STK25: variants seen among roughly 807,000 people sequenced by gnomAD.
STK25 encodes the protein serine/threonine kinase 25.
Under a neutral mutation model 53.8 loss-of-function variants are expected in STK25, and 29 were observed. The observed-to-expected ratio is 0.54, with a 90% confidence interval of 0.40 to 0.74. STK25 has a LOEUF of 0.74. Ranked by LOEUF, STK25 falls within the 30% of genes least tolerant of loss-of-function variation. STK25 has a pLI of 0.00. For missense variants in STK25, 420 were observed against 568.0 expected (o/e 0.74, Z 2.65); for synonymous variants, 247 against 238.3 (o/e 1.04, Z -0.33).
At chr2:241,506,694 G>C (rs2065851997) in intron 2 of STK25, among the ~76,000 whole-genome samples, 1 of 152,200 alleles carries the variant, frequency 6.6e-6, no homozygotes, top group African/African-American at 2.4e-5. Context: ...TTGTACTTGG[G>C]AGGCAGAGGG....
Position 241,493,604 on chromosome 2 carries a change from T to C in STK25, c.*2058A>G. On this transcript the variant is annotated 3_prime_UTR_variant, in exon 12 of 12. Transcript: ENST00000316586. The stretch of plus-strand genomic sequence containing the variant: ...AAAAAACAGCAATGCTTTGTTTTTT[T>C]TTTTTTTGGAGATGGCGTCTCCCTC... 1 of 648,494 alleles carries C rather than the reference T, an allele frequency of 1.5e-6. No individual in the cohort carries two copies. The highest frequency in any genetic ancestry group is 2.9e-5 in the Admixed American group (1 of 34,802). The allele number at this position is 648,494 out of a possible 1,614,324, so 40.2% of individuals were successfully genotyped here. A position where few individuals can be genotyped will look rare whatever the true frequency, so the allele number is the denominator to read the frequency against.
At chr2:241,508,231 A>AC (rs897657173) in intron 1 of STK25, 96 bp from the exon 2 acceptor site, 261 of 1,301,592 alleles carry the variant, frequency 2.0e-4, no homozygotes, top group Admixed American at 2.5e-4. Flanking sequence ...GGCCCAGGAG[A>AC]CCCCCCAGGC....
upstream of STK25, chr2:241,508,698 G>A (rs1414857094): frequency 5.1e-6 from 5 of 985,296 alleles, no homozygotes; most frequent in African/African-American, 8.8e-5. Context: ...TGGACTACAA[G>A]TCCCGGCAGG....
intron 5 of STK25, chr2:241,499,859 A>G: frequency 2.1e-6 from 1 of 485,132 alleles, no homozygotes; most frequent in Non-Finnish European, 3.8e-6. Context: ...GCAGGGCCAG[A>G]CCACACGCTG....
chr2:241,508,337 T>A, intron 1 of STK25, 106 bp downstream of exon 1: 1 of 1,169,124 alleles, frequency 8.6e-7, no homozygotes. Flanking sequence ...GGCAGCTTCC[T>A]CCCGGTGCCC....
intron 10 of STK25, 96 bp downstream of exon 10, chr2:241,497,520 C>T (rs569920464): frequency 4.6e-6 from 6 of 1,302,108 alleles, no homozygotes; most frequent in Non-Finnish European, 6.6e-6. Flanking sequence ...GAAGCTGAAA[C>T]CACCCCACAG....
chr2:241,493,177 T>C lies in STK25; in HGVS notation c.*2485A>G, dbSNP rs1195748204. The C allele has an allele frequency of 6.2e-6, 8 of 1,287,718 alleles. No homozygotes were observed. The Admixed American group carries it at 1.5e-4, about 24-fold the overall frequency. The allele number at this position is 1,287,718 out of a possible 1,614,324, so 79.8% of individuals were successfully genotyped here. ...CCCTGTGCTGTGTGAACAGGGAAAC[T>C]GGCTCCCTTGGCCCGTGGGCATTTG... is the stretch of plus-strand genomic sequence containing the variant. On this transcript the variant is annotated 3_prime_UTR_variant, in exon 12 of 12. Coordinates refer to ENST00000316586, the MANE Select transcript of STK25 (RefSeq NM_001271977.2).
rs1034532337 is a variant in STK25, at chr2:241,500,808, G to A, written c.262-12C>T. 1.9e-6 allele frequency: 3 copies of A among 1,613,336 alleles called. No individual in the cohort carries two copies. The highest frequency in any genetic ancestry group is 2.5e-6 in the Non-Finnish European group (3 of 1,179,664). On this transcript the variant is annotated splice_polypyrimidine_tract_variant and intron_variant, in intron 3 of 11. Coordinates refer to ENST00000316586, the MANE Select transcript of STK25 (RefSeq NM_001271977.2). ...CATAGCTTGGTGCTCTGGGACCGGA[G>A]ACAAACCCATCAGCATTTGGCAGCA...
intron 2 of STK25, among the ~76,000 whole-genome samples, chr2:241,507,195 A>G (rs2065883214): frequency 6.6e-6 from 1 of 152,226 alleles, no homozygotes; most frequent in South Asian, 2.1e-4. Context: ...CCCAGCGGCC[A>G]GAGTCAAAAA....
intron 2 of STK25, among the ~76,000 whole-genome samples, chr2:241,505,242 C>A (rs1399439802): frequency 6.6e-6 from 1 of 152,176 alleles, no homozygotes; most frequent in Non-Finnish European, 1.5e-5. Flanking sequence ...TCCCTGTTTG[C>A]TCAGCCCATC....
In STK25 at chr2:241,495,408, T is replaced by C; in HGVS notation, c.*254A>G. The C allele has an allele frequency of 2.0e-6, 1 of 506,850 alleles. No individual in the cohort carries two copies. Among genetic ancestry groups the C allele is most frequent in the Non-Finnish European group, 3.6e-6 (1 of 281,530 alleles). 31.4% of individuals were successfully genotyped at this position (506,850 alleles called of 1,614,324 possible). A position where few individuals can be genotyped will look rare whatever the true frequency, so the allele number is the denominator to read the frequency against. Reference sequence around the variant, plus strand: ...GCCACGCCGGCGGCTGGAGCCCCCGTGAGCAATACTGCTGGGCCAGGAGAG... The same window carrying C: ...GCCACGCCGGCGGCTGGAGCCCCCGCGAGCAATACTGCTGGGCCAGGAGAG... On this transcript the variant is annotated 3_prime_UTR_variant, in exon 12 of 12. Coordinates refer to ENST00000316586, the MANE Select transcript of STK25 (RefSeq NM_001271977.2).
chr2:241,508,087 C>CCGCGGAGAGG lies in STK25; in HGVS notation c.-62_-53dup. On this transcript the variant is annotated 5_prime_UTR_variant, in exon 2 of 12. Transcript: ENST00000316586. ...AGCAGCCCCAGGAGGCGTCTGGATCCCGCGGAGAGGCGCGGAGCCGGCTAG... is the reference window on the plus strand; with the variant it reads ...AGCAGCCCCAGGAGGCGTCTGGATCCCGCGGAGAGGCGCGGAGAGGCGCGGAGCCGGCTAG... 6.4e-7 allele frequency: 1 copy of CCGCGGAGAGG among 1,569,020 alleles called. No individual in the cohort carries two copies.
At chr2:241,508,202 G>A (rs1249738392) in intron 1 of STK25, 67 bp from the exon 2 acceptor site, 59 of 1,355,218 alleles carry the variant, frequency 4.4e-5, no homozygotes, top group Non-Finnish European at 5.6e-5. Context: ...CGGGGCGGCG[G>A]GCTCCATGGG....
chr2:241,498,683 C>T lies in STK25; in HGVS notation c.873G>A (p.Lys291=). ...TELIDRYKRW[K]SEGHGEESSS... is the part of the protein sequence containing the mutation. Reference sequence around the variant, plus strand: ...TGGACTCCTCGCCATGCCCCTCTGACTTCCAGCGCTTATAGCGGTCGATGA... The same window carrying T: ...TGGACTCCTCGCCATGCCCCTCTGATTTCCAGCGCTTATAGCGGTCGATGA... The change falls in exon 8 of 12, where the codon AAG becomes AAA. Residue 291 remains lysine, a synonymous_variant. Coordinates refer to ENST00000316586, the MANE Select transcript of STK25 (RefSeq NM_001271977.2). The T allele has an allele frequency of 6.2e-7, 1 of 1,614,128 alleles. No homozygotes were observed. The highest frequency in any genetic ancestry group is 1.7e-5 in the Admixed American group (1 of 60,034).
chr2:241,498,681 G>A lies in STK25; in HGVS notation c.875C>T (p.Ser292Leu), dbSNP rs148061318. The change falls in exon 8 of 12, where the codon TCA (serine) becomes TTA (leucine). Residue 292 changes from serine to leucine, a missense_variant. By Grantham distance (145) the Ser-to-Leu change is moderately radical. Coordinates refer to ENST00000316586, the MANE Select transcript of STK25 (RefSeq NM_001271977.2). ...GCTGGACTCCTCGCCATGCCCCTCT[G>A]ACTTCCAGCGCTTATAGCGGTCGAT... is the stretch of plus-strand genomic sequence containing the variant. ...ELIDRYKRWK[S>L]EGHGEESSSE... 1.3e-4 allele frequency: 214 copies of A among 1,614,080 alleles called. No homozygotes were observed. The highest frequency in any genetic ancestry group is 1.7e-4 in the Non-Finnish European group (196 of 1,180,012).
chr2:241,498,820 C>T lies in STK25; in HGVS notation c.772-36G>A, dbSNP rs778094311. The stretch of plus-strand genomic sequence containing the variant: ...TCAGGGGAACACTAGTCACTGGGCC[C>T]AGCCAAGCTCTGCCTAAGGGAAGCA... On this transcript the variant is annotated intron_variant, in intron 7 of 11. Transcript: ENST00000316586. The T allele has an allele frequency of 1.3e-5, 21 of 1,612,300 alleles. No homozygotes were observed. The South Asian group carries it at 2.1e-4, about 16-fold the overall frequency.
rs2065052903 is a variant in STK25 at position 241,494,591 on chromosome 2, G to A, written c.*1071C>T. 6.6e-6 allele frequency: 1 copy of A among 152,454 alleles called. No individual in the cohort carries two copies. The highest frequency in any genetic ancestry group is 2.1e-4 in the South Asian group (1 of 4,832). The allele number at this position is 152,454 out of a possible 1,614,324, so 9.4% of individuals were successfully genotyped here. On this transcript the variant is annotated 3_prime_UTR_variant, in exon 12 of 12. Transcript: ENST00000316586. The surrounding 1 kb of genome is among the most constrained non-coding windows in gnomAD (Gnocchi z 4.9). The stretch of plus-strand genomic sequence containing the variant: ...CAGACAAGCGTGGCACAGCCATGCT[G>A]ACCTTCCATCTGGTGAACCAAGTGG...
In STK25 at chr2:241,508,463, G is replaced by A; in HGVS notation, c.-121C>T. 1.9e-6 allele frequency: 2 copies of A among 1,068,812 alleles called. No homozygotes were observed. Among genetic ancestry groups the A allele is most frequent in the South Asian group, 2.5e-5 (1 of 39,410 alleles). 66.2% of individuals were successfully genotyped at this position (1,068,812 alleles called of 1,614,324 possible). On this transcript the variant is annotated 5_prime_UTR_variant, in exon 1 of 12. Coordinates refer to ENST00000316586, the MANE Select transcript of STK25 (RefSeq NM_001271977.2). ...CCCACCTCCGCGGGGCTCCATCCCG[G>A]CCTCCCCCGGCCCGCTCTGCAGCGC... is the stretch of plus-strand genomic sequence containing the variant.
chr2:241,498,582 G>A (rs1054291039), intron 8 of STK25, 57 bp downstream of exon 8: 11 of 1,564,478 alleles, frequency 7.0e-6, no homozygotes, highest in African/African-American at 5.4e-5. Context: ...CTTCTGGAGT[G>A]GGGACCACCC....
Sources: gnomAD v4.1 joint callset for allele counts (sites outside exome capture counted in the v4.1 genomes callset) on GRCh38, gnomAD v4.1.1 for gene constraint, Gnocchi (gnomAD v3.1) non-coding constraint, MANE v1.5 for transcripts, NCBI Gene and HGNC (gene_info 2026-07-23, HGNC 2026-07-21) for gene names.